ROBO2: variants seen among roughly 807,000 people sequenced by gnomAD.
The protein encoded by ROBO2 is roundabout homolog 2.
In ROBO2, 53 loss-of-function variants were observed where a neutral mutation model predicts 160.8. That is an observed-to-expected ratio of 0.33 (90% CI 0.26 to 0.41). The LOEUF (loss-of-function observed/expected upper bound fraction) is 0.41, where lower values mean the gene tolerates loss of function less well. ROBO2 is among the 10% of genes least tolerant of loss of function. The pLI is 1.00. For synonymous variants in ROBO2, 664 were observed against 611.7 expected (o/e 1.09, Z -1.26); for missense variants, 1,577 against 1,722.4 (o/e 0.92, Z 1.49).
intron 2 of ROBO2, among the ~76,000 whole-genome samples, chr3:75,953,720 GCAA>G (rs1280219078): frequency 3.3e-5 from 5 of 151,750 alleles, no homozygotes; most frequent in African/African-American, 1.2e-4. Flanking sequence ...ACAAACAATA[GCAA>G]CAACAATATA....
At chr3:75,955,559 A>G (rs1259112704) in intron 2 of ROBO2, among the ~76,000 whole-genome samples, 1 of 151,662 alleles carries the variant, frequency 6.6e-6, no homozygotes, top group Non-Finnish European at 1.5e-5. Flanking sequence ...GGTGCAGCAC[A>G]CCAACATGGC....
At chr3:76,283,276 G>A (rs1332417774) in intron 2 of ROBO2, among the ~76,000 whole-genome samples, 1 of 150,750 alleles carries the variant, frequency 6.6e-6, no homozygotes, top group Admixed American at 6.7e-5. Context: ...GATTAGAAGT[G>A]TATTAAGGAA....
chr3:76,092,855 A>G (rs1324176795), intron 2 of ROBO2, among the ~76,000 whole-genome samples: 7 of 152,170 alleles, frequency 4.6e-5, no homozygotes, highest in African/African-American at 1.7e-4. Flanking sequence ...GACTCAGTCA[A>G]CCTTGACAAA....
intron 2 of ROBO2, among the ~76,000 whole-genome samples, chr3:76,425,313 G>A (rs1436052864): frequency 6.6e-6 from 1 of 151,866 alleles, no homozygotes; most frequent in Non-Finnish European, 1.5e-5. Flanking sequence ...ATATACTAAA[G>A]TTATTCATCG....
intron 6 of ROBO2, among the ~76,000 whole-genome samples, chr3:77,543,548 G>C (rs2092572321): frequency 6.6e-6 from 1 of 152,100 alleles, no homozygotes; most frequent in Admixed American, 6.6e-5. Context: ...CAAAAAAAAT[G>C]TTTCAAAAGT....
At chr3:77,400,219 T>C (rs2075665964) in intron 2 of ROBO2, among the ~76,000 whole-genome samples, 1 of 152,160 alleles carries the variant, frequency 6.6e-6, no homozygotes. Context: ...GCTTTAAAAA[T>C]GATAGGGTTA....
At chr3:77,218,776 C>T (rs925467935) in intron 2 of ROBO2, among the ~76,000 whole-genome samples, 11 of 152,180 alleles carry the variant, frequency 7.2e-5, no homozygotes, top group African/African-American at 2.4e-4. Context: ...TTATTTGTGA[C>T]TGACTAATGC....
At chr3:77,288,712 C>T (rs1052601102) in intron 2 of ROBO2, among the ~76,000 whole-genome samples, 2 of 151,942 alleles carry the variant, frequency 1.3e-5, no homozygotes, top group African/African-American at 2.4e-5. Context: ...GAATGTGTTA[C>T]AACGGATCTA....
At chr3:76,121,999 A>G (rs1160940436) in intron 2 of ROBO2, among the ~76,000 whole-genome samples, 4 of 152,170 alleles carry the variant, frequency 2.6e-5, no homozygotes, top group African/African-American at 9.7e-5. Context: ...TGATACTTGT[A>G]TTTACCCCAT....
chr3:76,098,116 G>C (rs1178772971), intron 2 of ROBO2, among the ~76,000 whole-genome samples: 1 of 152,048 alleles, frequency 6.6e-6, no homozygotes, highest in East Asian at 1.9e-4. Flanking sequence ...CATCATGTAG[G>C]TGTACGTGTT....
intron 2 of ROBO2, among the ~76,000 whole-genome samples, chr3:76,752,903 T>G (rs1442070381): frequency 9.2e-5 from 14 of 151,908 alleles, no homozygotes; most frequent in Admixed American, 9.2e-4. Flanking sequence ...ACAGAACATA[T>G]TTTGCAAAAC....
At chr3:76,788,153 G>A (rs952439816) in intron 2 of ROBO2, among the ~76,000 whole-genome samples, 1 of 151,196 alleles carries the variant, frequency 6.6e-6, no homozygotes, top group Admixed American at 6.6e-5. Flanking sequence ...GCAGAAAGGA[G>A]ATCATATTTG....
intron 2 of ROBO2, among the ~76,000 whole-genome samples, chr3:75,981,227 C>T (rs1576370074): frequency 6.6e-6 from 1 of 151,438 alleles, no homozygotes; most frequent in African/African-American, 2.4e-5. Flanking sequence ...AAAATAATTA[C>T]ACAACCTTAT....
At chr3:77,031,567 T>A (rs1222978944) in intron 2 of ROBO2, among the ~76,000 whole-genome samples, 1 of 146,258 alleles carries the variant, frequency 6.8e-6, no homozygotes, top group Non-Finnish European at 1.5e-5. Flanking sequence ...TTATATATTA[T>A]TAAATTAATA....
intron 1 of ROBO2, among the ~76,000 whole-genome samples, chr3:77,088,716 T>A (rs1031140167): frequency 1.3e-5 from 2 of 152,232 alleles, no homozygotes; most frequent in Non-Finnish European, 2.9e-5. Flanking sequence ...AGGTACGTTT[T>A]CAGTCTTTTA....
chr3:76,794,125 T>C (rs1212577346), intron 2 of ROBO2, among the ~76,000 whole-genome samples: 1 of 151,916 alleles, frequency 6.6e-6, no homozygotes, highest in African/African-American at 2.4e-5. Context: ...AAACGTCTTA[T>C]TAAAATTTGA....
chr3:76,279,662 C>T (rs960337667), intron 2 of ROBO2, among the ~76,000 whole-genome samples: 2 of 151,832 alleles, frequency 1.3e-5, no homozygotes, highest in Non-Finnish European at 2.9e-5. Context: ...ACCCTAATGT[C>T]CTTTAACATT....
chr3:76,626,797 A>G (rs1479852584), intron 2 of ROBO2, among the ~76,000 whole-genome samples: 2 of 151,578 alleles, frequency 1.3e-5, no homozygotes, highest in African/African-American at 4.9e-5. Context: ...GGTTCACGTC[A>G]TTCTCCTGCC....
At chr3:77,276,196 T>A (rs2059811639) in intron 2 of ROBO2, among the ~76,000 whole-genome samples, 2 of 143,658 alleles carry the variant, frequency 1.4e-5, no homozygotes, top group Non-Finnish European at 1.5e-5. Context: ...TAAGAGTTAA[T>A]AAGTTGTAAA....
Sources: allele counts gnomAD v4.1 joint callset (sites outside exome capture counted in the v4.1 genomes callset), GRCh38; gene constraint gnomAD v4.1.1; transcripts MANE v1.5; gene names NCBI Gene and HGNC (gene_info 2026-07-23, HGNC 2026-07-21).